Variants in LDLRAD4 observed in about 807,000 individuals in gnomAD.
LDLRAD4 encodes low-density lipoprotein receptor class A domain-containing protein 4.
A neutral mutation model predicts 17.0 loss-of-function variants in LDLRAD4; 5 were observed. The ratio of observed to expected loss-of-function variants is 0.29; its 90% CI spans 0.15 to 0.62. The LOEUF (loss-of-function observed/expected upper bound fraction) is 0.62, where lower values mean the gene tolerates loss of function less well. Ranked by LOEUF, LDLRAD4 falls within the 20% of genes least tolerant of loss-of-function variation. The probability of loss-of-function intolerance (pLI) is 0.84; values close to 1 mark genes in which losing one functional copy is unlikely to be tolerated. For missense variants in LDLRAD4, 340 were observed against 424.7 expected (o/e 0.80, Z 1.75); for synonymous variants, 168 against 171.8 (o/e 0.98, Z 0.17).
At chr18:13,275,946 T>C (rs991842592), upstream of LDLRAD4, among the ~76,000 whole-genome samples, 1 of 152,236 alleles carries the variant, frequency 6.6e-6, no homozygotes, top group Non-Finnish European at 1.5e-5. Flanking sequence ...CAGATGTGTA[T>C]GCGTTTAGTA....
chr18:13,317,239 A>G (rs990814271), intron 1 of LDLRAD4, among the ~76,000 whole-genome samples: 4 of 152,242 alleles, frequency 2.6e-5, no homozygotes, highest in Non-Finnish European at 4.4e-5. Context: ...TATAGCCACA[A>G]AAAAGATATT....
intron 3 of LDLRAD4, among the ~76,000 whole-genome samples, chr18:13,605,542 G>T (rs1205613664): frequency 6.6e-6 from 1 of 152,164 alleles, no homozygotes; most frequent in Non-Finnish European, 1.5e-5. Flanking sequence ...ACATAAGCCA[G>T]CTAGCTTTGC....
chr18:13,586,319 A>G (rs1360632117), intron 3 of LDLRAD4, among the ~76,000 whole-genome samples: 1 of 141,732 alleles, frequency 7.1e-6, no homozygotes, highest in Non-Finnish European at 1.5e-5. Flanking sequence ...AGGAGAGAGA[A>G]CTGCTTGAAC....
intron 5 of LDLRAD4, among the ~76,000 whole-genome samples, chr18:13,643,885 CACAT>C (rs763133059): frequency 2.0e-5 from 3 of 152,112 alleles, no homozygotes; most frequent in Admixed American, 2.0e-4. Context: ...TATGTATACA[CACAT>C]ACACATCTAT....
chr18:13,441,432 G>A (rs1434465422), intron 3 of LDLRAD4, among the ~76,000 whole-genome samples: 1 of 152,198 alleles, frequency 6.6e-6, no homozygotes, highest in Admixed American at 6.5e-5. Flanking sequence ...TCAGAAAGGC[G>A]ATGCCTCATT....
intron 1 of LDLRAD4, among the ~76,000 whole-genome samples, chr18:13,334,695 T>C (rs1383408020): frequency 2.6e-5 from 4 of 152,256 alleles, no homozygotes; most frequent in African/African-American, 7.2e-5. Context: ...TCCTTTCCTT[T>C]TCTTGTCTTA....
intron 1 of LDLRAD4, among the ~76,000 whole-genome samples, chr18:13,310,476 C>T (rs939549537): frequency 6.6e-6 from 1 of 152,188 alleles, no homozygotes; most frequent in Admixed American, 6.5e-5. Context: ...AGTCCTTGCC[C>T]TAGAGGTTTT....
intron 3 of LDLRAD4, among the ~76,000 whole-genome samples, chr18:13,445,622 C>CGT (rs202132115): frequency 6.1e-5 from 9 of 147,956 alleles, no homozygotes; most frequent in Admixed American, 1.3e-4. Context: ...AGTGTGTGTG[C>CGT]GTGTGTGTGT....
In LDLRAD4 at chr18:13,390,277, C is replaced by T. The variant is rs551700385; in HGVS notation, c.40+2515C>T. ...GTGGTGGGGTGTTCGCCACAGCCGCCGTTTTGGAGCCACAGTGTGCCGGGA... is the reference window on the plus strand; with the variant it reads ...GTGGTGGGGTGTTCGCCACAGCCGCTGTTTTGGAGCCACAGTGTGCCGGGA... On this transcript the variant is annotated intron_variant, in intron 2 of 5. Transcript: ENST00000359446. Among the ~76,000 whole-genome samples, 4 of 152,332 alleles carry T rather than the reference C, an allele frequency of 2.6e-5. No homozygotes were observed. The South Asian group carries it at 6.2e-4, about 24-fold the overall frequency.
At chr18:13,547,200 C>T (rs150844501) in intron 3 of LDLRAD4, among the ~76,000 whole-genome samples, 13 of 152,278 alleles carry the variant, frequency 8.5e-5, no homozygotes, top group Middle Eastern at 3.4e-3. Context: ...TGTACCACTT[C>T]GTCATTTACT....
At chr18:13,522,356 T>C (rs1050094447) in intron 3 of LDLRAD4, 1 of 152,212 alleles carries the variant, frequency 6.6e-6, no homozygotes, top group African/African-American at 2.4e-5. Flanking sequence ...TTTTGTTTTT[T>C]GTTTTTTTAA....
chr18:13,547,605 T>C (rs1165675433), intron 3 of LDLRAD4, among the ~76,000 whole-genome samples: 1 of 152,186 alleles, frequency 6.6e-6, no homozygotes, highest in Non-Finnish European at 1.5e-5. Context: ...GCGTGGAGTG[T>C]GGCCACTGTA....
At chr18:13,235,913 A>G (rs746201168) in intron 1 of LDLRAD4, among the ~76,000 whole-genome samples, 1 of 152,232 alleles carries the variant, frequency 6.6e-6, no homozygotes, top group Non-Finnish European at 1.5e-5. Context: ...GTCTTGGCAT[A>G]TAGTGCTAAG....
At chr18:13,334,673 G>C (rs1695812661) in intron 1 of LDLRAD4, among the ~76,000 whole-genome samples, 1 of 152,166 alleles carries the variant, frequency 6.6e-6, no homozygotes. Flanking sequence ...CCCAATCAGT[G>C]TGCCTTTTAT....
At chr18:13,468,907 G>A (rs1037086248) in intron 3 of LDLRAD4, among the ~76,000 whole-genome samples, 3 of 151,362 alleles carry the variant, frequency 2.0e-5, no homozygotes, top group Non-Finnish European at 2.9e-5. Flanking sequence ...GTTAAATGAC[G>A]AGTTAATGGG....
chr18:13,236,173 T>C (rs1447146635), intron 1 of LDLRAD4, among the ~76,000 whole-genome samples: 1 of 152,198 alleles, frequency 6.6e-6, no homozygotes, highest in African/African-American at 2.4e-5. Context: ...CTGGCACCCG[T>C]CGCTCCCGAG....
chr18:13,295,703 T>A (rs946377120), intron 1 of LDLRAD4, among the ~76,000 whole-genome samples: 3 of 152,248 alleles, frequency 2.0e-5, no homozygotes, highest in Non-Finnish European at 4.4e-5. Flanking sequence ...GGAATACATA[T>A]TCTTGAATAC....
chr18:13,611,932 C>T (rs1413088127), intron 3 of LDLRAD4: 17 of 985,280 alleles, frequency 1.7e-5, no homozygotes, highest in Non-Finnish European at 2.0e-5. Context: ...AGAGGACAGC[C>T]CGCAGCCTGG....
chr18:13,440,473 C>A lies in LDLRAD4; in HGVS notation c.181+2089C>A, dbSNP rs1247565387. On this transcript the variant is annotated intron_variant, in intron 3 of 5. Transcript: ENST00000359446. This position sits in a 1 kb window ranked among gnomAD's most constrained non-coding sequence, Gnocchi z 4.4. ...CTGTTGGCAAACTCTTGGCCCCCTA[C>A]TGTTCAGATATGACTAGAACTTTTG... 1.3e-5 allele frequency among the ~76,000 whole-genome samples: 2 copies of A among 152,176 alleles called. No individual in the cohort carries two copies. The highest frequency in any genetic ancestry group is 6.5e-5 in the Admixed American group (1 of 15,276).
Sources: gnomAD v4.1 joint callset for allele counts (sites outside exome capture counted in the v4.1 genomes callset) on GRCh38, gnomAD v4.1.1 for gene constraint, Gnocchi (gnomAD v3.1) non-coding constraint, MANE v1.5 for transcripts, NCBI Gene and HGNC (gene_info 2026-07-23, HGNC 2026-07-21) for gene names.